The following ZNF860 variants were observed in gnomAD, a reference collection of about 807,000 sequenced individuals.
The protein encoded by ZNF860 is zinc finger protein 860.
For synonymous variants in ZNF860, 206 were observed against 248.9 expected (o/e 0.83, Z 1.62); for missense variants, 641 against 759.2 (o/e 0.84, Z 1.83).
downstream of ZNF860, among the ~76,000 whole-genome samples, chr3:31,996,582 A>G (rs1336089911): frequency 6.6e-6 from 1 of 152,200 alleles, no homozygotes; most frequent in African/African-American, 2.4e-5. Context: ...AAGAGAAAAG[A>G]CCACTTACAG....
chr3:31,999,142 T>G, the ZNF860 span, among the ~76,000 whole-genome samples: 117 of 152,166 alleles, frequency 7.7e-4, no homozygotes, highest in Non-Finnish European at 1.5e-3. Flanking sequence ...CTCTGCTGTC[T>G]GGAGGGCATC....
chr3:31,987,353 T>C (rs1421449333), intron 1 of ZNF860, among the ~76,000 whole-genome samples: 1 of 152,238 alleles, frequency 6.6e-6, no homozygotes, highest in Non-Finnish European at 1.5e-5. Context: ...ATTTAATCAT[T>C]CCACTACTGA....
chr3:32,001,173 G>C, the ZNF860 span, among the ~76,000 whole-genome samples: 1 of 152,174 alleles, frequency 6.6e-6, no homozygotes, highest in African/African-American at 2.4e-5. Flanking sequence ...CATTGTTTCA[G>C]GTGGGGTTCT....
chr3:32,000,509 C>T, the ZNF860 span, among the ~76,000 whole-genome samples: 1 of 152,212 alleles, frequency 6.6e-6, no homozygotes, highest in African/African-American at 2.4e-5. Context: ...AGCATGCTGA[C>T]TCCCATATAA....
At chr3:31,993,108 C>T (rs1699051256), downstream of ZNF860, among the ~76,000 whole-genome samples, 1 of 152,016 alleles carries the variant, frequency 6.6e-6, no homozygotes, top group Non-Finnish European at 1.5e-5. Flanking sequence ...TGTGTTTGAC[C>T]AAGGACTTGT....
At chr3:31,993,262 T>C (rs540454041), downstream of ZNF860, among the ~76,000 whole-genome samples, 1 of 152,004 alleles carries the variant, frequency 6.6e-6, no homozygotes, top group South Asian at 2.1e-4. Flanking sequence ...CAGGCTGGAG[T>C]GCAATGGCAC....
Position 31,989,855 on chromosome 3 carries a change from A to G in ZNF860, c.776A>G (p.Lys259Arg). The change falls in exon 2 of 2, where the codon AAA becomes AGA. Residue 259 changes from lysine to arginine, a missense_variant. Lys to Arg is a conservative substitution (Grantham distance 26). Coordinates refer to ENST00000360311, the MANE Select transcript of ZNF860 (RefSeq NM_001137674.3). ...QIIYLGGKQY[K>R]CDVCGKVFNQ... ...ATCTATTTAGGAGGGAAACAATATAAATGTGATGTATGTGGCAAGGTCTTT... is the reference window on the plus strand; with the variant it reads ...ATCTATTTAGGAGGGAAACAATATAGATGTGATGTATGTGGCAAGGTCTTT... 1 of 1,614,174 alleles carries G rather than the reference A, an allele frequency of 6.2e-7. No individual in the cohort carries two copies. Among genetic ancestry groups the G allele is most frequent in the Non-Finnish European group, 8.5e-7 (1 of 1,180,016 alleles).
the ZNF860 span, among the ~76,000 whole-genome samples, chr3:32,005,294 G>T: frequency 1.3e-5 from 2 of 152,030 alleles, no homozygotes; most frequent in African/African-American, 2.4e-5. Context: ...AGTTCATAGG[G>T]CCTAACTGCT....
At chr3:31,982,979 C>A (rs1046400812) in intron 1 of ZNF860, among the ~76,000 whole-genome samples, 1 of 152,222 alleles carries the variant, frequency 6.6e-6, no homozygotes, top group Non-Finnish European at 1.5e-5. Context: ...GTTCCACCAT[C>A]TTTCTCTTTT....
At chr3:31,985,385 A>T (rs1325688787) in intron 1 of ZNF860, among the ~76,000 whole-genome samples, 1 of 152,234 alleles carries the variant, frequency 6.6e-6, no homozygotes, top group Non-Finnish European at 1.5e-5. Context: ...GCCATCACAG[A>T]CCATGTAAAG....
At position 31,989,606 on chromosome 3, in the gene ZNF860, G is replaced by C; in HGVS notation, c.527G>C (p.Gly176Ala). Residue 176 changes from glycine to alanine, a missense_variant, in exon 2 of 2, where the codon GGT (glycine) becomes GCT (alanine). By Grantham distance (60) the Gly-to-Ala change is moderately conservative (BLOSUM62 0). Transcript: ENST00000360311. ...LHIFQTKGKV[G>A]NQVEKSINDA... Reference sequence around the variant, plus strand: ...ATATTTCAGACCAAAGGGAAAGTTGGTAATCAAGTTGAGAAGTCTATCAAC... The same window carrying C: ...ATATTTCAGACCAAAGGGAAAGTTGCTAATCAAGTTGAGAAGTCTATCAAC... 1.9e-6 allele frequency: 3 copies of C among 1,614,180 alleles called. No individual in the cohort carries two copies.
chr3:31,985,402 G>A (rs992884094), intron 1 of ZNF860, among the ~76,000 whole-genome samples: 14 of 152,158 alleles, frequency 9.2e-5, no homozygotes, highest in African/African-American at 3.1e-4. Flanking sequence ...AAAGATTTTG[G>A]GAATGAAGCT....
downstream of ZNF860, among the ~76,000 whole-genome samples, chr3:31,995,033 T>C (rs1231585483): frequency 6.6e-6 from 1 of 151,922 alleles, no homozygotes; most frequent in African/African-American, 2.4e-5. Flanking sequence ...GAATAGGGAG[T>C]AGGTCACATG....
At chr3:31,986,817 C>A (rs1222452709) in intron 1 of ZNF860, among the ~76,000 whole-genome samples, 1 of 151,972 alleles carries the variant, frequency 6.6e-6, no homozygotes. Flanking sequence ...CCAGCCTGGG[C>A]AACCTGGAGA....
rs1045350469 is a variant in ZNF860, at chr3:31,989,909, A to G, written c.830A>G (p.His277Arg). ...FNQKRYLACH[H>R]RCHTGEKPYK... is the part of the protein sequence containing the mutation. ...CAGAAGCGATACCTTGCATGCCATC[A>G]TAGATGTCACACTGGTGAGAAACCT... is the stretch of plus-strand genomic sequence containing the variant. Residue 277 changes from histidine to arginine, a missense_variant, in exon 2 of 2, where the codon CAT becomes CGT. His to Arg is a conservative substitution (Grantham distance 29). Transcript: ENST00000360311. 2 of 1,614,214 alleles carry G rather than the reference A, an allele frequency of 1.2e-6. No homozygotes were observed. The highest frequency in any genetic ancestry group is 2.2e-5 in the East Asian group (1 of 44,872).
intron 1 of ZNF860, among the ~76,000 whole-genome samples, chr3:31,984,900 T>A (rs755711089): frequency 6.6e-6 from 1 of 152,206 alleles, no homozygotes; most frequent in Non-Finnish European, 1.5e-5. Context: ...ATGTCGAATT[T>A]TTTTTACTGT....
At position 31,989,853 on chromosome 3, in the gene ZNF860, T is replaced by C. The variant is rs1221004746; in HGVS notation, c.774T>C (p.Tyr258=). The stretch of plus-strand genomic sequence containing the variant: ...TAATCTATTTAGGAGGGAAACAATA[T>C]AAATGTGATGTATGTGGCAAGGTCT... ...HQIIYLGGKQ[Y]KCDVCGKVFN... Residue 258 remains tyrosine (Y), a synonymous_variant, in exon 2 of 2, where the codon TAT becomes TAC. Coordinates refer to ENST00000360311, the MANE Select transcript of ZNF860 (RefSeq NM_001137674.3). 1 of 1,614,142 alleles carries C rather than the reference T, an allele frequency of 6.2e-7. No individual in the cohort carries two copies. Among genetic ancestry groups the C allele is most frequent in the Non-Finnish European group, 8.5e-7 (1 of 1,180,018 alleles).
In ZNF860 at chr3:31,991,060, A is replaced by G; in HGVS notation, c.*82A>G. On this transcript the variant is annotated 3_prime_UTR_variant, in exon 2 of 2. Coordinates refer to ENST00000360311, the MANE Select transcript of ZNF860 (RefSeq NM_001137674.3). ...CAATGAGTATAGCAAACCATCAAGC[A>G]TTAATTGACATTAGAGTCAATTCAG... 1 of 1,286,020 alleles carries G rather than the reference A, an allele frequency of 7.8e-7. No individual in the cohort carries two copies. The highest frequency in any genetic ancestry group is 1.1e-6 in the Non-Finnish European group (1 of 930,922). The allele number at this position is 1,286,020 out of a possible 1,614,324, so 79.7% of individuals were successfully genotyped here.
the ZNF860 span, among the ~76,000 whole-genome samples, chr3:32,004,742 G>A: frequency 3.3e-5 from 5 of 152,186 alleles, no homozygotes; most frequent in Admixed American, 6.5e-5. Context: ...CTTGCAGAGC[G>A]ACAGACACAT....
Sources: allele counts gnomAD v4.1 joint callset (sites outside exome capture counted in the v4.1 genomes callset), GRCh38; gene constraint gnomAD v4.1.1; transcripts MANE v1.5; gene names NCBI Gene and HGNC (gene_info 2026-07-23, HGNC 2026-07-21).